Variants in MYO10 observed in about 807,000 individuals in gnomAD.
MYO10 encodes unconventional myosin-X.
MYO10 carries 133 observed loss-of-function variants against 257.3 expected under a neutral mutation model. The ratio of observed to expected loss-of-function variants is 0.52; its 90% confidence interval spans 0.45 to 0.60. MYO10 has a LOEUF of 0.60. Ranked by LOEUF, MYO10 falls within the 20% of genes least tolerant of loss-of-function variation. The probability of loss-of-function intolerance (pLI) is 0.00; values close to 1 mark genes in which losing one functional copy is unlikely to be tolerated. For missense variants in MYO10, 2,399 were observed against 2,635.7 expected, an observed-to-expected ratio of 0.91 and a Z score of 1.97; for synonymous variants, 1,104 against 1,028.6, an observed-to-expected ratio of 1.07 and a Z score of -1.40.
intron 36 of MYO10, among the ~76,000 whole-genome samples, chr5:16,673,472 T>C (rs144640327): frequency 1.9e-4 from 29 of 152,304 alleles, no homozygotes; most frequent in Non-Finnish European, 3.8e-4. Flanking sequence ...TCAGGTACTT[T>C]ATCTCTGTGT....
At chr5:16,823,446 C>G (rs77605826) in intron 2 of MYO10, among the ~76,000 whole-genome samples, 1 of 4,192 alleles carries the variant, frequency 2.4e-4, no homozygotes, top group East Asian at 0.012. Flanking sequence ...CTCCATCTTG[C>G]GCGGGGGGGG....
intron 21 of MYO10, 138 bp from the exon 22 acceptor site, chr5:16,704,823 T>C (rs749017079): frequency 7.7e-6 from 5 of 645,386 alleles, no homozygotes; most frequent in Non-Finnish European, 1.3e-5. Context: ...CTTTCTAGAA[T>C]AGTGCTTTTT....
intron 26 of MYO10, among the ~76,000 whole-genome samples, chr5:16,697,105 T>C (rs530850685): frequency 5.3e-5 from 8 of 152,278 alleles, no homozygotes; most frequent in African/African-American, 1.9e-4. Context: ...CTTGATGTTT[T>C]TCATTCCAAC....
intron 19 of MYO10, among the ~76,000 whole-genome samples, chr5:16,717,059 A>G (rs1343331306): frequency 6.6e-6 from 1 of 151,676 alleles, no homozygotes; most frequent in Non-Finnish European, 1.5e-5. Flanking sequence ...CTGGTCTTGA[A>G]CTCCTGACCT....
chr5:16,809,095 A>C (rs1414395092), intron 3 of MYO10, among the ~76,000 whole-genome samples: 2 of 152,142 alleles, frequency 1.3e-5, no homozygotes, highest in African/African-American at 4.8e-5. Context: ...AATGTTTGGT[A>C]AAGTTTTAAA....
chr5:16,818,066 G>A lies in MYO10; in HGVS notation c.222C>T (p.Leu74=), dbSNP rs777396023. The part of the protein sequence containing the change: ...GVDDMASLTE[L]HGGSIMYNLF... ...AGTTATACATGATGGAGCCGCCATG[G>A]AGCTCTGTCAAGGACGCCATGTCAT... Residue 74 remains leucine, a synonymous_variant, in exon 3 of 41, where the codon CTC becomes CTT. Coordinates refer to ENST00000513610, the MANE Select transcript of MYO10 (RefSeq NM_012334.3). 27 of 1,610,030 alleles carry A rather than the reference G, an allele frequency of 1.7e-5. No homozygotes were observed. In the African/African-American group the frequency reaches 3.3e-4, roughly 20 times the overall value.
intron 2 of MYO10, among the ~76,000 whole-genome samples, chr5:16,848,623 A>C (rs1743711584): frequency 6.6e-6 from 1 of 152,066 alleles, no homozygotes; most frequent in Non-Finnish European, 1.5e-5. Flanking sequence ...GTCTTTGGGA[A>C]ACGCTCGTCG....
chr5:16,826,593 C>A (rs900373745), intron 2 of MYO10, among the ~76,000 whole-genome samples: 1 of 152,176 alleles, frequency 6.6e-6, no homozygotes, highest in Non-Finnish European at 1.5e-5. Context: ...GAGGAAGGAG[C>A]GGGCAAAGGG....
intron 4 of MYO10, among the ~76,000 whole-genome samples, chr5:16,792,588 G>C (rs1553996756): frequency 3.2e-5 from 1 of 31,656 alleles, no homozygotes; most frequent in African/African-American, 9.4e-5. Flanking sequence ...AGGAGCGGGG[G>C]GCGGGGGGCT....
chr5:16,740,221 G>C (rs10051558), intron 19 of MYO10, among the ~76,000 whole-genome samples: 23,287 of 152,066 alleles, frequency 0.15, 2,180 homozygotes, highest in East Asian at 0.26. Context: ...GGCTGATGGG[G>C]ATTTGGGAAT....
chr5:16,832,540 G>C (rs1397611144), intron 2 of MYO10, among the ~76,000 whole-genome samples: 3 of 152,136 alleles, frequency 2.0e-5, no homozygotes, highest in Non-Finnish European at 4.4e-5. Flanking sequence ...AGAAATTCAA[G>C]AGGCATGGAT....
chr5:16,877,484 A>C, intron 2 of MYO10, 125 bp downstream of exon 2: 1 of 682,310 alleles, frequency 1.5e-6, no homozygotes, highest in Non-Finnish European at 2.5e-6. Flanking sequence ...GGGATTTTGA[A>C]TTATCACTTA....
At chr5:16,893,196 C>CAAAAAAAAAAAAA (rs59761183) in intron 1 of MYO10, among the ~76,000 whole-genome samples, 3,233 of 69,296 alleles carry the variant, frequency 0.047, 431 homozygotes, top group Admixed American at 0.072. Context: ...GACTCTGTCT[C>CAAAAAAAAAAAAA]AAAAAAAAAA....
At chr5:16,929,964 G>A (rs916952511) in intron 1 of MYO10, among the ~76,000 whole-genome samples, 1 of 151,968 alleles carries the variant, frequency 6.6e-6, no homozygotes, top group Non-Finnish European at 1.5e-5. Context: ...TCCCCTTCCC[G>A]CCATAAAATA....
chr5:16,767,527 C>A (rs1331275758), intron 10 of MYO10, among the ~76,000 whole-genome samples: 1 of 151,994 alleles, frequency 6.6e-6, no homozygotes, highest in Non-Finnish European at 1.5e-5. Context: ...AAAGATAAGA[C>A]AATGTGACTA....
chr5:16,706,890 C>T (rs187053191), intron 21 of MYO10, among the ~76,000 whole-genome samples: 6 of 152,270 alleles, frequency 3.9e-5, no homozygotes, highest in East Asian at 3.9e-4. Flanking sequence ...ATTAAGAACA[C>T]GAACCCTGAA....
chr5:16,909,685 A>G (rs1463614051), intron 1 of MYO10, among the ~76,000 whole-genome samples: 1 of 152,006 alleles, frequency 6.6e-6, no homozygotes, highest in Admixed American at 6.6e-5. Flanking sequence ...ACACAGCCAA[A>G]CCACATCAGA....
chr5:16,708,789 C>T (rs572818124), intron 21 of MYO10, among the ~76,000 whole-genome samples: 2 of 152,266 alleles, frequency 1.3e-5, no homozygotes, highest in South Asian at 4.1e-4. Flanking sequence ...TCTCAGACTC[C>T]TGGGCTCAAG....
chr5:16,802,015 T>C (rs1467195217), intron 3 of MYO10, among the ~76,000 whole-genome samples: 1 of 152,146 alleles, frequency 6.6e-6, no homozygotes, highest in Non-Finnish European at 1.5e-5. Context: ...GCTAAGTGAA[T>C]TATGACAGTC....
Sources: allele counts gnomAD v4.1 joint callset (sites outside exome capture counted in the v4.1 genomes callset), GRCh38; gene constraint gnomAD v4.1.1; transcripts MANE v1.5; gene names NCBI Gene and HGNC (gene_info 2026-07-23, HGNC 2026-07-21).